EPB41L4A: variants seen among roughly 807,000 people sequenced by gnomAD.
EPB41L4A encodes the protein erythrocyte membrane protein band 4.1 like 4A, also known as band 4.1-like protein 4A.
EPB41L4A carries 100 observed loss-of-function variants against 108.6 expected under a neutral mutation model. The observed-to-expected ratio is 0.92, with a 90% CI of 0.78 to 1.09. The LOEUF is 1.09. Among genes scored for constraint, EPB41L4A ranks in the 50% least tolerant of loss-of-function variants. The pLI is 0.00. For synonymous variants in EPB41L4A, 319 were observed against 289.0 expected (o/e 1.10, Z -1.05); for missense variants, 1,030 against 842.7 (o/e 1.22, Z -2.75).
At chr5:112,398,395 G>C (rs912432695) in intron 1 of EPB41L4A, among the ~76,000 whole-genome samples, 2 of 151,714 alleles carry the variant, frequency 1.3e-5, no homozygotes, top group Non-Finnish European at 2.9e-5. Context: ...TTTTTTGTTT[G>C]TTTCTTTGTC....
At chr5:112,349,568 C>T (rs1010959653) in intron 1 of EPB41L4A, among the ~76,000 whole-genome samples, 4 of 152,106 alleles carry the variant, frequency 2.6e-5, no homozygotes, top group African/African-American at 9.7e-5. Flanking sequence ...ATTTGAGTTT[C>T]GGAATGAGAC....
chr5:112,379,396 A>G (rs143199643), intron 1 of EPB41L4A, among the ~76,000 whole-genome samples: 47 of 152,306 alleles, frequency 3.1e-4, no homozygotes, highest in African/African-American at 1.1e-3. Context: ...TTTTGAAAAT[A>G]AGAGTAGAGG....
At chr5:112,260,024 T>C (rs767019924) in intron 7 of EPB41L4A, 45 bp from the exon 8 acceptor site, 1 of 1,353,714 alleles carries the variant, frequency 7.4e-7, no homozygotes, top group Admixed American at 1.7e-5. Flanking sequence ...TCACATAAAA[T>C]CTCTTTGTCA....
chr5:112,169,175 T>C (rs1760431425), intron 20 of EPB41L4A, 70 bp from the exon 21 acceptor site: 3 of 1,072,344 alleles, frequency 2.8e-6, no homozygotes, highest in Non-Finnish European at 4.4e-6. Flanking sequence ...GAGTTCTTAA[T>C]ATTGAAACCG....
intron 14 of EPB41L4A, among the ~76,000 whole-genome samples, chr5:112,205,044 AAAGG>A (rs1357727747): frequency 6.6e-6 from 1 of 152,230 alleles, no homozygotes; most frequent in African/African-American, 2.4e-5. Flanking sequence ...TTTTAGGAAT[AAAGG>A]TCTTCCAGCA....
chr5:112,411,255 T>C (rs1323490403), intron 1 of EPB41L4A, among the ~76,000 whole-genome samples: 2 of 152,080 alleles, frequency 1.3e-5, no homozygotes, highest in African/African-American at 4.8e-5. Context: ...GATGTGGAGT[T>C]TCAGCATTCT....
At chr5:112,369,988 T>C (rs750158304) in intron 1 of EPB41L4A, among the ~76,000 whole-genome samples, 3 of 152,202 alleles carry the variant, frequency 2.0e-5, no homozygotes, top group African/African-American at 4.8e-5. Flanking sequence ...CTTGTTTCTA[T>C]ACACAACTGG....
intron 11 of EPB41L4A, among the ~76,000 whole-genome samples, chr5:112,235,734 T>C (rs1318624989): frequency 1.3e-5 from 2 of 152,178 alleles, no homozygotes; most frequent in Admixed American, 6.5e-5. Flanking sequence ...AAAATGAAGA[T>C]GCCTACAAAA....
In EPB41L4A at chr5:112,169,004, G is replaced by A. The variant is rs1297518376; in HGVS notation, c.1841C>T (p.Ser614Leu). Reference sequence around the variant, plus strand: ...TGGCCTGCCCACTTACTTCACTTCCGAGAGAACTGATCGCTCCCCATCTGA... The same window carrying A: ...TGGCCTGCCCACTTACTTCACTTCCAAGAGAACTGATCGCTCCCCATCTGA... ...QCSDGERSVL[S>L]EVNSKTDLVP... Residue 614 changes from serine to leucine, a missense_variant, in exon 21 of 23, where the codon TCG (serine) becomes TTG (leucine). Coordinates refer to ENST00000261486, the MANE Select transcript of EPB41L4A (RefSeq NM_022140.5). The A allele has an allele frequency of 3.1e-6, 5 of 1,612,556 alleles. No individual in the cohort carries two copies. Among genetic ancestry groups the A allele is most frequent in the East Asian group, 4.5e-5 (2 of 44,890 alleles).
chr5:112,343,700 T>C (rs1561589331), intron 1 of EPB41L4A, among the ~76,000 whole-genome samples: 2 of 151,978 alleles, frequency 1.3e-5, no homozygotes, highest in South Asian at 4.2e-4. Context: ...AAATAATCTA[T>C]CAAATGAGTA....
intron 2 of EPB41L4A, among the ~76,000 whole-genome samples, chr5:112,300,704 G>A (rs1279519789): frequency 6.6e-6 from 1 of 152,052 alleles, no homozygotes; most frequent in Non-Finnish European, 1.5e-5. Context: ...AGCAAGGCTG[G>A]GGAAGCTGTA....
At chr5:112,320,738 C>T (rs901476780) in intron 1 of EPB41L4A, among the ~76,000 whole-genome samples, 3 of 152,158 alleles carry the variant, frequency 2.0e-5, no homozygotes, top group Admixed American at 6.5e-5. Flanking sequence ...CAGTGGCCTA[C>T]GTAGTGATGG....
In EPB41L4A at chr5:112,163,020, G is replaced by A. The variant is rs893120326; in HGVS notation, c.*1970C>T. On this transcript the variant is annotated 3_prime_UTR_variant, in exon 23 of 23. Coordinates refer to ENST00000261486, the MANE Select transcript of EPB41L4A (RefSeq NM_022140.5). ...GAGAGTGTTACAAAATGAGGCTGAA[G>A]AGGTAGGTAAAGAAGCCAGACCACT... 1.3e-5 allele frequency: 2 copies of A among 152,198 alleles called. No homozygotes were observed. Among genetic ancestry groups the A allele is most frequent in the Non-Finnish European group, 2.9e-5 (2 of 68,046 alleles). The allele number at this position is 152,198 out of a possible 1,614,324, so 9.4% of individuals were successfully genotyped here.
chr5:112,215,769 A>AAC lies in EPB41L4A; in HGVS notation c.1088-5788_1088-5787insGT, dbSNP rs1285407827. ...CAGAGTGAGACTCCATCTCAAAAAAAAAAAAAAACAAAAAAAACAAAAAAA... is the reference window on the plus strand; with the variant it reads ...CAGAGTGAGACTCCATCTCAAAAAAAACAAAAAAAACAAAAAAAACAAAAAAA... On this transcript the variant is annotated intron_variant, in intron 12 of 22. Coordinates refer to ENST00000261486, the MANE Select transcript of EPB41L4A (RefSeq NM_022140.5). Among the ~76,000 whole-genome samples the AAC allele has an allele frequency of 5.8e-3, 805 of 139,622 alleles. 19 individuals are homozygous for AAC. Among genetic ancestry groups the AAC allele is most frequent in the African/African-American group, 0.016 (633 of 40,036 alleles). 91.6% of individuals were successfully genotyped at this position (139,622 alleles called of 152,430 possible). A position where few individuals can be genotyped will look rare whatever the true frequency, so the allele number is the denominator to read the frequency against.
At chr5:112,234,810 AAAC>A (rs1303903213) in intron 11 of EPB41L4A, 55 bp from the exon 12 acceptor site, 1 of 1,562,976 alleles carries the variant, frequency 6.4e-7, no homozygotes, top group Non-Finnish European at 8.7e-7. Flanking sequence ...CCACAAAATT[AAAC>A]AACAGGTCAT....
At chr5:112,234,068 T>C (rs1247849494) in intron 12 of EPB41L4A, among the ~76,000 whole-genome samples, 2 of 151,638 alleles carry the variant, frequency 1.3e-5, no homozygotes, top group African/African-American at 4.8e-5. Flanking sequence ...CCTGTAATCC[T>C]AGCACTTTGG....
intron 9 of EPB41L4A, among the ~76,000 whole-genome samples, chr5:112,243,292 T>TATA (rs1561504555): frequency 7.5e-5 from 11 of 147,358 alleles, no homozygotes; most frequent in African/African-American, 2.7e-4. Context: ...TATATATATA[T>TATA]TTTGTTTGTT....
At chr5:112,285,069 T>C (rs1235253131) in intron 2 of EPB41L4A, among the ~76,000 whole-genome samples, 6 of 152,310 alleles carry the variant, frequency 3.9e-5, no homozygotes, top group Admixed American at 1.3e-4. Flanking sequence ...GTTCTAATAG[T>C]AGAATAAACC....
rs541811447 is a variant in EPB41L4A, at chr5:112,393,830, A to C, written c.99+25111T>G. ...CAATATCCCTGATGAACATCGATGC[A>C]AAAATCCTCAATGAAATACTGGCAA... On this transcript the variant is annotated intron_variant, in intron 1 of 22. Coordinates refer to ENST00000261486, the MANE Select transcript of EPB41L4A (RefSeq NM_022140.5). Among the ~76,000 whole-genome samples the C allele has an allele frequency of 1.1e-3, 163 of 152,330 alleles. 2 individuals carry two copies. The highest frequency in any genetic ancestry group is 3.7e-3 in the African/African-American group (154 of 41,592).
Sources: allele counts gnomAD v4.1 joint callset (sites outside exome capture counted in the v4.1 genomes callset), GRCh38; gene constraint gnomAD v4.1.1; transcripts MANE v1.5; gene names NCBI Gene and HGNC (gene_info 2026-07-23, HGNC 2026-07-21).